The following AGBL4 variants were observed in gnomAD, a reference collection of about 807,000 sequenced individuals.
The protein encoded by AGBL4 is cytosolic carboxypeptidase 6.
In AGBL4, 58 loss-of-function variants were observed where a neutral mutation model predicts 66.4. That is an observed-to-expected ratio of 0.87 (90% confidence interval 0.71 to 1.09). The LOEUF (loss-of-function observed/expected upper bound fraction) is 1.09, where lower values mean the gene tolerates loss of function less well. AGBL4 is among the 50% of genes least tolerant of loss of function. AGBL4 has a pLI of 0.00. For synonymous variants in AGBL4, 234 were observed against 222.9 expected (o/e 1.05, Z -0.44); for missense variants, 579 against 631.0 (o/e 0.92, Z 0.88).
At chr1:49,736,111 A>G (rs1649871772) in intron 2 of AGBL4, among the ~76,000 whole-genome samples, 1 of 152,180 alleles carries the variant, frequency 6.6e-6, no homozygotes, top group African/African-American at 2.4e-5. Flanking sequence ...GAAAAAAGGG[A>G]AAAGAATATT....
intron 3 of AGBL4, among the ~76,000 whole-genome samples, chr1:49,686,188 G>A (rs915857676): frequency 6.6e-6 from 1 of 152,102 alleles, no homozygotes. Context: ...TGTCATCTTT[G>A]TTGAAGATCA....
At chr1:49,584,702 T>C (rs1013211808) in intron 3 of AGBL4, among the ~76,000 whole-genome samples, 7 of 152,194 alleles carry the variant, frequency 4.6e-5, no homozygotes, top group African/African-American at 1.7e-4. Flanking sequence ...TTCAAGACCT[T>C]TAAAGGACAC....
At chr1:48,754,777 GAT>G (rs1470757284) in intron 6 of AGBL4, among the ~76,000 whole-genome samples, 1 of 152,118 alleles carries the variant, frequency 6.6e-6, no homozygotes, top group African/African-American at 2.4e-5. Flanking sequence ...AGAGAGAGAT[GAT>G]ATCCTTTGTG....
intron 4 of AGBL4, among the ~76,000 whole-genome samples, chr1:49,098,891 G>C (rs1645153741): frequency 6.6e-6 from 1 of 152,166 alleles, no homozygotes; most frequent in Admixed American, 6.5e-5. Flanking sequence ...GCAATCCAAT[G>C]GTTTTCTGTT....
chr1:49,017,113 C>G (rs1662880832), intron 5 of AGBL4, among the ~76,000 whole-genome samples: 1 of 152,180 alleles, frequency 6.6e-6, no homozygotes, highest in Non-Finnish European at 1.5e-5. Context: ...TGATCTATAT[C>G]AGGTCATAGC....
intron 5 of AGBL4, among the ~76,000 whole-genome samples, chr1:48,961,106 T>TGTGTGTGTGTGC (rs935435997): frequency 2.0e-5 from 3 of 151,240 alleles, no homozygotes; most frequent in African/African-American, 7.3e-5. Context: ...TGTGTGTGTG[T>TGTGTGTGTGTGC]GCGTGTATGT....
At chr1:49,571,077 T>G (rs768309130) in intron 3 of AGBL4, among the ~76,000 whole-genome samples, 21 of 151,896 alleles carry the variant, frequency 1.4e-4, no homozygotes, top group Non-Finnish European at 2.7e-4. Flanking sequence ...GGCTCTTTCA[T>G]AGTACCATAT....
intron 3 of AGBL4, among the ~76,000 whole-genome samples, chr1:49,493,334 G>T (rs1044098731): frequency 6.6e-6 from 1 of 151,898 alleles, no homozygotes; most frequent in Non-Finnish European, 1.5e-5. Context: ...AATTTTTATT[G>T]AGCACTTACT....
At chr1:48,635,782 G>A (rs749183403) in intron 8 of AGBL4, among the ~76,000 whole-genome samples, 4 of 152,308 alleles carry the variant, frequency 2.6e-5, no homozygotes, top group Non-Finnish European at 5.9e-5. Context: ...TTCCATAAGA[G>A]CAGTGATGCC....
intron 2 of AGBL4, among the ~76,000 whole-genome samples, chr1:49,741,524 G>A (rs1650469071): frequency 6.6e-6 from 1 of 152,134 alleles, no homozygotes. Flanking sequence ...AATAGAAAAG[G>A]AGGGAATCCT....
chr1:49,593,994 A>C (rs1378268556), intron 3 of AGBL4, among the ~76,000 whole-genome samples: 1 of 152,194 alleles, frequency 6.6e-6, no homozygotes, highest in Non-Finnish European at 1.5e-5. Flanking sequence ...CAGTATATGC[A>C]AGGAATTGGT....
At chr1:48,531,756 T>TTATG (rs56107028), downstream of AGBL4, among the ~76,000 whole-genome samples, 83 of 150,668 alleles carry the variant, frequency 5.5e-4, no homozygotes, top group East Asian at 9.5e-3. Context: ...CTCCCTCTTA[T>TTATG]TATGTATGTA....
At chr1:48,704,563 G>GT (rs1005385423) in intron 6 of AGBL4, among the ~76,000 whole-genome samples, 2 of 151,776 alleles carry the variant, frequency 1.3e-5, no homozygotes, top group Admixed American at 6.6e-5. Flanking sequence ...AAATTGTTAA[G>GT]TTTTTTTTAC....
intron 3 of AGBL4, among the ~76,000 whole-genome samples, chr1:49,271,316 T>C (rs1464380867): frequency 6.6e-6 from 1 of 152,018 alleles, no homozygotes; most frequent in Non-Finnish European, 1.5e-5. Flanking sequence ...CCATTGCACA[T>C]AAAACTTTCC....
At chr1:49,983,071 TC>T (rs1430043836) in intron 1 of AGBL4, among the ~76,000 whole-genome samples, 1 of 152,202 alleles carries the variant, frequency 6.6e-6, no homozygotes, top group African/African-American at 2.4e-5. Context: ...TCTGCATACC[TC>T]ATTCTTCCTG....
chr1:49,714,513 T>A (rs1021787843), intron 2 of AGBL4, among the ~76,000 whole-genome samples: 1 of 151,262 alleles, frequency 6.6e-6, no homozygotes, highest in South Asian at 2.1e-4. Flanking sequence ...TCCAGTTCCA[T>A]CTATGCTGCT....
At chr1:49,351,977 A>G (rs1195544650) in intron 3 of AGBL4, among the ~76,000 whole-genome samples, 3 of 152,204 alleles carry the variant, frequency 2.0e-5, no homozygotes, top group Non-Finnish European at 4.4e-5. Context: ...TTTCATTAAA[A>G]GGATTCCTCT....
Position 48,587,262 on chromosome 1 carries a change from G to A in AGBL4, c.1105-96C>T, listed in dbSNP as rs183573825. 17 of 1,191,992 alleles carry A rather than the reference G, an allele frequency of 1.4e-5. No homozygotes were observed. The Middle Eastern group carries it at 6.7e-4, about 47-fold the overall frequency. The allele number at this position is 1,191,992 out of a possible 1,614,324, so 73.8% of individuals were successfully genotyped here. On this transcript the variant is annotated intron_variant, in intron 10 of 13. Coordinates refer to ENST00000371839, the MANE Select transcript of AGBL4 (RefSeq NM_032785.4). ...AACACCTCTGGGTCTCAGCTTCACT[G>A]TCTGAAGAGTGGGATATTAGCCCCT...
chr1:49,552,214 C>G (rs895846745), intron 3 of AGBL4, among the ~76,000 whole-genome samples: 1 of 152,144 alleles, frequency 6.6e-6, no homozygotes, highest in South Asian at 2.1e-4. Flanking sequence ...TGAGAACTTA[C>G]CCCAAGCTAC....
Sources: allele counts gnomAD v4.1 joint callset (sites outside exome capture counted in the v4.1 genomes callset), GRCh38; gene constraint gnomAD v4.1.1; transcripts MANE v1.5; gene names NCBI Gene and HGNC (gene_info 2026-07-23, HGNC 2026-07-21).